NELL2: variants seen among roughly 807,000 people sequenced by gnomAD.
The protein encoded by NELL2 is neural EGFL like 2, also known as protein kinase C-binding protein NELL2.
In NELL2, 41 loss-of-function variants were observed where a neutral mutation model predicts 109.6. That is an observed-to-expected ratio of 0.37 (90% confidence interval 0.29 to 0.49). The LOEUF (loss-of-function observed/expected upper bound fraction) is 0.49. NELL2 is among the 20% of genes least tolerant of loss of function. The pLI, the probability that NELL2 is intolerant of heterozygous loss-of-function variation, is 0.98. For synonymous variants in NELL2, 355 were observed against 344.7 expected (o/e 1.03, Z -0.33); for missense variants, 900 against 1,008.3 (o/e 0.89, Z 1.45).
chr12:44,846,637 T>C (rs1398918226), intron 2 of NELL2, among the ~76,000 whole-genome samples: 2 of 152,240 alleles, frequency 1.3e-5, no homozygotes, highest in Admixed American at 6.5e-5. Flanking sequence ...TGCAAAAGTA[T>C]TATGATATTC....
chr12:44,780,429 A>T (rs1452939023), intron 3 of NELL2, among the ~76,000 whole-genome samples: 1 of 151,986 alleles, frequency 6.6e-6, no homozygotes, highest in Non-Finnish European at 1.5e-5. Flanking sequence ...ACATCACAGA[A>T]AAAACTGGCC....
At chr12:44,783,457 T>G (rs1942040548) in intron 3 of NELL2, among the ~76,000 whole-genome samples, 1 of 151,554 alleles carries the variant, frequency 6.6e-6, no homozygotes, top group South Asian at 2.1e-4. Context: ...TTCAATAAAA[T>G]TAATGAACTA....
intron 11 of NELL2, among the ~76,000 whole-genome samples, chr12:44,710,461 C>G (rs1938136452): frequency 6.6e-6 from 1 of 152,072 alleles, no homozygotes. Flanking sequence ...ACAAGGTGCA[C>G]TGTCTAATGT....
intron 15 of NELL2, among the ~76,000 whole-genome samples, chr12:44,582,870 A>G (rs1944371742): frequency 6.6e-6 from 1 of 152,090 alleles, no homozygotes; most frequent in Non-Finnish European, 1.5e-5. Context: ...TCATGAATGA[A>G]TTGATGTCAT....
At chr12:44,625,530 AGTGTCT>A (rs1406080659) in intron 13 of NELL2, among the ~76,000 whole-genome samples, 6 of 152,074 alleles carry the variant, frequency 3.9e-5, no homozygotes, top group African/African-American at 1.4e-4. Context: ...TGTTTGGCAG[AGTGTCT>A]GACCAGAATT....
In NELL2 at chr12:44,777,314, C is replaced by G. The variant is rs753231866; in HGVS notation, c.607G>C (p.Gly203Arg). 6.2e-7 allele frequency: 1 copy of G among 1,612,092 alleles called. No homozygotes were observed. Among genetic ancestry groups the G allele is most frequent in the Non-Finnish European group, 8.5e-7 (1 of 1,178,372 alleles). ...AGTAATTGGACATCTTGCATTATAC[C>G]CTGTGTGTGAAAAATAGAAAAAAAA... ...QRNNAHGYFKGIMQDVQLLVM... is the reference protein window; with the variant it reads ...QRNNAHGYFKRIMQDVQLLVM... Residue 203 changes from glycine (G) to arginine (R), a missense_variant and splice_region_variant, in exon 6 of 20, where the codon GGT becomes CGT. Physicochemically the swap from Gly to Arg is moderately radical, Grantham distance 125 (BLOSUM62 -2). Transcript: ENST00000429094.
At chr12:44,660,802 T>G (rs945704911) in intron 13 of NELL2, among the ~76,000 whole-genome samples, 4 of 151,578 alleles carry the variant, frequency 2.6e-5, no homozygotes, top group Non-Finnish European at 5.9e-5. Context: ...GAAATGAGTG[T>G]CTCTTCACTC....
At chr12:44,768,425 C>G (rs1941419544) in intron 9 of NELL2, among the ~76,000 whole-genome samples, 1 of 151,982 alleles carries the variant, frequency 6.6e-6, no homozygotes, top group South Asian at 2.1e-4. Flanking sequence ...TTAGAGAAAA[C>G]ATTCCCTATC....
intron 3 of NELL2, among the ~76,000 whole-genome samples, chr12:44,787,074 G>A (rs1242619425): frequency 1.3e-5 from 2 of 151,902 alleles, no homozygotes; most frequent in Non-Finnish European, 2.9e-5. Flanking sequence ...AGTTAATTTG[G>A]CAGGGTCATA....
intron 2 of NELL2, among the ~76,000 whole-genome samples, chr12:44,866,144 G>C (rs1246456069): frequency 6.6e-6 from 1 of 152,170 alleles, no homozygotes; most frequent in Non-Finnish European, 1.5e-5. Context: ...AATCTATGAG[G>C]AATGGCCCTC....
chr12:44,737,135 T>C (rs1939694448), intron 9 of NELL2, among the ~76,000 whole-genome samples: 1 of 152,076 alleles, frequency 6.6e-6, no homozygotes, highest in African/African-American at 2.4e-5. Flanking sequence ...CCACATACTA[T>C]ATTAAAATTG....
intron 15 of NELL2, among the ~76,000 whole-genome samples, chr12:44,594,625 T>G (rs1344613471): frequency 6.6e-6 from 1 of 152,128 alleles, no homozygotes; most frequent in Non-Finnish European, 1.5e-5. Flanking sequence ...GAATACTGCT[T>G]ATAGACAAAT....
At chr12:44,556,140 A>G (rs1407453708) in intron 15 of NELL2, among the ~76,000 whole-genome samples, 1 of 152,230 alleles carries the variant, frequency 6.6e-6, no homozygotes, top group Non-Finnish European at 1.5e-5. Context: ...CATAGCTGGC[A>G]TGATACAAGG....
At chr12:44,714,095 A>G (rs1938356966) in intron 10 of NELL2, among the ~76,000 whole-genome samples, 1 of 151,970 alleles carries the variant, frequency 6.6e-6, no homozygotes, top group Admixed American at 6.6e-5. Flanking sequence ...TTAGTTTTTC[A>G]ATTAGTAGGT....
At chr12:44,607,075 G>T in intron 15 of NELL2, 94 bp downstream of exon 15, 1 of 1,051,642 alleles carries the variant, frequency 9.5e-7, no homozygotes, top group Non-Finnish European at 1.4e-6. Context: ...TGCTTTGAGA[G>T]CCCACTTGAA....
In NELL2 at chr12:44,664,444, T is replaced by C. The variant is rs189684608; in HGVS notation, c.1444+1040A>G. 2.5e-3 allele frequency among the ~76,000 whole-genome samples: 381 copies of C among 152,220 alleles called. 1 individual carries two copies. Among genetic ancestry groups the C allele is most frequent in the African/African-American group, 8.8e-3 (367 of 41,570 alleles). Reference sequence around the variant, plus strand: ...TACTATATTTGAATTTAGAAGAAGATCCTTCCCTGTGATAAGGCTATCAAT... The same window carrying C: ...TACTATATTTGAATTTAGAAGAAGACCCTTCCCTGTGATAAGGCTATCAAT... On this transcript the variant is annotated intron_variant, in intron 13 of 19. Transcript: ENST00000429094.
chr12:44,546,091 G>T (rs925995771), intron 15 of NELL2, among the ~76,000 whole-genome samples: 2 of 152,134 alleles, frequency 1.3e-5, no homozygotes, highest in Non-Finnish European at 2.9e-5. Flanking sequence ...AGAAAAATGA[G>T]CTTTGAATGG....
intron 15 of NELL2, 73 bp from the exon 16 acceptor site, chr12:44,532,794 C>A: frequency 7.0e-7 from 1 of 1,423,940 alleles, no homozygotes; most frequent in Non-Finnish European, 9.4e-7. Flanking sequence ...TGCTACAAGG[C>A]TACTAAAATT....
chr12:44,587,284 A>AAAAAAAAAAAAAAATATATAT, intron 15 of NELL2, among the ~76,000 whole-genome samples: 22 of 72,170 alleles, frequency 3.0e-4, no homozygotes, highest in Non-Finnish European at 4.3e-4. Context: ...AAAAAAAAAA[A>AAAAAAAAAAAAAAATATATAT]ATATATATAT....
Sources: gnomAD v4.1 joint callset for allele counts (sites outside exome capture counted in the v4.1 genomes callset) on GRCh38, gnomAD v4.1.1 for gene constraint, MANE v1.5 for transcripts, NCBI Gene and HGNC (gene_info 2026-07-23, HGNC 2026-07-21) for gene names.